The following ZDHHC11B variants were observed in gnomAD, a reference collection of about 807,000 sequenced individuals.
ZDHHC11B encodes zDHHC palmitoyltransferase 11B (putative), also known as probable palmitoyltransferase ZDHHC11B.
ZDHHC11B carries 17 observed loss-of-function variants against 42.3 expected under a neutral mutation model. The observed-to-expected ratio is 0.40, with a 90% CI of 0.27 to 0.60. The LOEUF is 0.60. Ranked by LOEUF, ZDHHC11B falls within the 20% of genes least tolerant of loss-of-function variation. The pLI is 0.41. For synonymous variants in ZDHHC11B, 123 were observed against 193.5 expected (o/e 0.64, Z 3.02); for missense variants, 262 against 463.2 (o/e 0.57, Z 3.99).
intron 11 of ZDHHC11B, chr5:732,645 G>A (rs1288174689): frequency 8.9e-6 from 4 of 451,726 alleles, no homozygotes; most frequent in African/African-American, 8.1e-5. Flanking sequence ...GAAATCCTGG[G>A]GAAGTGCGGT....
chr5:746,866 T>G (rs1328668120), intron 8 of ZDHHC11B, among the ~76,000 whole-genome samples: 8 of 134,534 alleles, frequency 5.9e-5, no homozygotes, highest in Non-Finnish European at 9.7e-5. Context: ...CTGGGCAGTT[T>G]GAGCATCCCT....
At chr5:736,298 G>A (rs534930616) in intron 10 of ZDHHC11B, among the ~76,000 whole-genome samples, 9 of 149,876 alleles carry the variant, frequency 6.0e-5, no homozygotes, top group Admixed American at 3.4e-4. Context: ...TGCACCTAAC[G>A]AGGAACCCCC....
chr5:736,619 T>C (rs1743551238), intron 10 of ZDHHC11B, among the ~76,000 whole-genome samples: 1 of 143,030 alleles, frequency 7.0e-6, no homozygotes, highest in African/African-American at 2.6e-5. Context: ...ACATCAAGTA[T>C]CTTTTCAGAC....
At chr5:724,186 C>G (rs1292598281) in intron 12 of ZDHHC11B, among the ~76,000 whole-genome samples, 2 of 151,014 alleles carry the variant, frequency 1.3e-5, no homozygotes, top group African/African-American at 4.9e-5. Context: ...CTCCAACACA[C>G]TTACGTGTTC....
chr5:722,596 T>C lies in ZDHHC11B; in HGVS notation c.1059-5731A>G, dbSNP rs529476100. Among the ~76,000 whole-genome samples the C allele has an allele frequency of 2.6e-5, 4 of 151,692 alleles. No individual in the cohort carries two copies. The South Asian group carries it at 8.3e-4, about 32-fold the overall frequency. Reference sequence around the variant, plus strand: ...TGAGAGTGTAACATGTGCAACACCTTTAAAAAACAGTGGCCTTATCTCTGA... The same window carrying C: ...TGAGAGTGTAACATGTGCAACACCTCTAAAAAACAGTGGCCTTATCTCTGA... On this transcript the variant is annotated intron_variant, in intron 12 of 13. Coordinates refer to ENST00000508859, the MANE Select transcript of ZDHHC11B (RefSeq NM_001351303.2).
rs141182794 is a variant in ZDHHC11B at position 773,902 on chromosome 5, G to C, written c.-229-4972C>G. ...CTCACCCACAGGTGTGGGCAAGACT[G>C]TGTTGTCCAACTGGCATCTTCAAAA... On this transcript the variant is annotated intron_variant, in intron 1 of 13. Transcript: ENST00000508859. Among the ~76,000 whole-genome samples the C allele has an allele frequency of 1.6e-3, 242 of 151,954 alleles. 3 individuals carry two copies. Among genetic ancestry groups the C allele is most frequent in the African/African-American group, 5.7e-3 (234 of 41,406 alleles).
At chr5:782,953 T>TAATC (rs1470929411) in intron 1 of ZDHHC11B, among the ~76,000 whole-genome samples, 40 of 148,462 alleles carry the variant, frequency 2.7e-4, no homozygotes, top group African/African-American at 9.7e-4. Flanking sequence ...TAACCTCGTA[T>TAATC]AATCGCTAAA....
chr5:784,646 A>G (rs948301389), intron 1 of ZDHHC11B, among the ~76,000 whole-genome samples, 22 bp downstream of exon 1: 3 of 150,578 alleles, frequency 2.0e-5, no homozygotes, highest in South Asian at 2.1e-4. Context: ...CGCCCGCAGG[A>G]CCGAGCCCCG....
At chr5:770,852 G>C (rs1309202266) in intron 1 of ZDHHC11B, among the ~76,000 whole-genome samples, 1 of 151,940 alleles carries the variant, frequency 6.6e-6, no homozygotes, top group Non-Finnish European at 1.5e-5. Flanking sequence ...CGCCCCCAGA[G>C]CAGGTGGCTG....
intron 6 of ZDHHC11B, among the ~76,000 whole-genome samples, chr5:752,137 G>C (rs1408202814): frequency 4.2e-5 from 5 of 119,470 alleles, no homozygotes; most frequent in African/African-American, 1.1e-4. Flanking sequence ...ACCATGCTGG[G>C]CAAAGGCACT....
intron 13 of ZDHHC11B, among the ~76,000 whole-genome samples, chr5:715,936 T>C (rs1307456690): frequency 6.6e-6 from 1 of 151,204 alleles, no homozygotes; most frequent in South Asian, 2.1e-4. Flanking sequence ...TGCCCGATCA[T>C]AGGGCTTTTC....
chr5:719,745 G>T (rs1381418189), intron 12 of ZDHHC11B, among the ~76,000 whole-genome samples: 3 of 150,798 alleles, frequency 2.0e-5, no homozygotes, highest in African/African-American at 7.3e-5. Context: ...AAGGAAAGAG[G>T]CAGAAAAAAT....
In ZDHHC11B at chr5:749,288, T is replaced by C. The variant is rs1311034910; in HGVS notation, c.629-729A>G. ...TCTAAGATATGGTCCTCTGTGACAC[T>C]GGGCTGCCAACACTCAAAACCACAA... is the stretch of plus-strand genomic sequence containing the variant. On this transcript the variant is annotated intron_variant, in intron 7 of 13. Coordinates refer to ENST00000508859, the MANE Select transcript of ZDHHC11B (RefSeq NM_001351303.2). Among the ~76,000 whole-genome samples, 2 of 130,562 alleles carry C rather than the reference T, an allele frequency of 1.5e-5. 1 individual carries two copies. Among genetic ancestry groups the C allele is most frequent in the Admixed American group, 1.8e-4 (2 of 11,398 alleles). The allele number at this position is 130,562 out of a possible 152,430, so 85.7% of individuals were successfully genotyped here.
intron 4 of ZDHHC11B, among the ~76,000 whole-genome samples, chr5:758,356 G>A (rs1261326165): frequency 6.6e-6 from 1 of 151,892 alleles, no homozygotes; most frequent in Non-Finnish European, 1.5e-5. Flanking sequence ...GGCTGAGGAT[G>A]CCCTCCCAGG....
intron 1 of ZDHHC11B, among the ~76,000 whole-genome samples, chr5:778,842 C>G (rs1382826929): frequency 6.6e-6 from 1 of 151,912 alleles, no homozygotes; most frequent in Non-Finnish European, 1.5e-5. Context: ...CTCCAAAATC[C>G]ACGCTGGAAC....
At chr5:733,566 C>T (rs1438762902) in intron 11 of ZDHHC11B, among the ~76,000 whole-genome samples, 186 bp downstream of exon 11, 1 of 151,552 alleles carries the variant, frequency 6.6e-6, no homozygotes, top group African/African-American at 2.4e-5. Context: ...AGCTGGGAAG[C>T]ATTCCTGCCT....
intron 1 of ZDHHC11B, among the ~76,000 whole-genome samples, chr5:777,556 A>G (rs574654598): frequency 6.6e-6 from 1 of 151,936 alleles, no homozygotes; most frequent in Admixed American, 6.6e-5. Context: ...AGGTTGCGGC[A>G]GGGCGTTCCG....
chr5:742,813 A>G (rs1453443952), intron 9 of ZDHHC11B, among the ~76,000 whole-genome samples: 1 of 148,986 alleles, frequency 6.7e-6, no homozygotes, highest in Non-Finnish European at 1.5e-5. Context: ...TGACTTTTGA[A>G]GAGCAAATAT....
intron 13 of ZDHHC11B, among the ~76,000 whole-genome samples, chr5:715,326 CT>C (rs1741670080): frequency 6.6e-6 from 1 of 150,728 alleles, no homozygotes; most frequent in Admixed American, 6.6e-5. Flanking sequence ...AGCTCCACTT[CT>C]CAGGCTCTGC....
Sources: allele counts gnomAD v4.1 joint callset (sites outside exome capture counted in the v4.1 genomes callset), GRCh38; gene constraint gnomAD v4.1.1; transcripts MANE v1.5; gene names NCBI Gene and HGNC (gene_info 2026-07-23, HGNC 2026-07-21).